Variants in P2RX1 observed in about 807,000 individuals in gnomAD.
The protein encoded by P2RX1 is P2X purinoceptor 1.
In P2RX1, 42 loss-of-function variants were observed where a neutral mutation model predicts 50.3. That is an observed-to-expected ratio of 0.83 (90% CI 0.65 to 1.08). The LOEUF is 1.08. P2RX1 is among the 50% of genes least tolerant of loss of function. The pLI, the probability that P2RX1 is intolerant of heterozygous loss-of-function variation, is 0.00. For synonymous variants in P2RX1, 199 were observed against 202.6 expected (o/e 0.98, Z 0.15); for missense variants, 449 against 529.0 (o/e 0.85, Z 1.48).
intron 1 of P2RX1, among the ~76,000 whole-genome samples, chr17:3,905,815 C>G (rs1455646992): frequency 6.7e-6 from 1 of 148,406 alleles, no homozygotes; most frequent in African/African-American, 2.5e-5. Context: ...CTATTGCACT[C>G]CAGCCTGGGC....
chr17:3,914,652 A>G lies in P2RX1; in HGVS notation c.137+1437T>C, dbSNP rs557143199. On this transcript the variant is annotated intron_variant, in intron 1 of 11. Transcript: ENST00000225538. This position sits in a 1 kb window ranked among gnomAD's most constrained non-coding sequence, Gnocchi z 4.1. ...AGGGTGGACTTCCGGCCCGTCCTGT[A>G]CCTGGCATCCCACCATCAGTGCCCA... 2.6e-5 allele frequency among the ~76,000 whole-genome samples: 4 copies of G among 152,228 alleles called. No homozygotes were observed. Among genetic ancestry groups the G allele is most frequent in the Admixed American group, 1.3e-4 (2 of 15,292 alleles).
intron 10 of P2RX1, 90 bp downstream of exon 10, chr17:3,898,394 G>T: frequency 9.5e-7 from 1 of 1,052,802 alleles, no homozygotes; most frequent in Non-Finnish European, 1.5e-6. Context: ...TTAGGGTCAA[G>T]TTTTAGGGTG....
Position 3,916,078 on chromosome 17 carries a change from C to A in P2RX1, c.137+11G>T, listed in dbSNP as rs369242326. On this transcript the variant is annotated intron_variant, in intron 1 of 11. Coordinates refer to ENST00000225538, the MANE Select transcript of P2RX1 (RefSeq NM_002558.4). ...GGGCTGGTGCAGGCAGCGGGAGGCG[C>A]CCGGACTCACCCGATGACGTAGACC... is the stretch of plus-strand genomic sequence containing the variant. 3.7e-6 allele frequency: 6 copies of A among 1,613,028 alleles called. No homozygotes were observed. The African/African-American group carries it at 8.0e-5, about 22-fold the overall frequency.
At chr17:3,915,838 G>A (rs756926736) in intron 1 of P2RX1, 1 of 640,952 alleles carries the variant, frequency 1.6e-6, no homozygotes, top group South Asian at 1.5e-5. Flanking sequence ...CACTGAGCCG[G>A]CTCCTCAGAA....
chr17:3,899,853 C>T lies in P2RX1; in HGVS notation c.748-92G>A, dbSNP rs2056104186. On this transcript the variant is annotated intron_variant, in intron 7 of 11. Transcript: ENST00000225538. ...CAGTGGCTCACACCTGTAATCCCAG[C>T]ACTTTGGGAGGCAGAGGCGGGTGGA... The T allele has an allele frequency of 3.3e-6, 5 of 1,511,962 alleles. No homozygotes were observed. The African/African-American group carries it at 6.9e-5, about 21-fold the overall frequency. 93.7% of individuals were successfully genotyped at this position (1,511,962 alleles called of 1,614,324 possible).
chr17:3,914,645 G>A lies in P2RX1; in HGVS notation c.137+1444C>T, dbSNP rs537258975. ...GATACTAAGGGTGGACTTCCGGCCC[G>A]TCCTGTACCTGGCATCCCACCATCA... is the stretch of plus-strand genomic sequence containing the variant. On this transcript the variant is annotated intron_variant, in intron 1 of 11. Coordinates refer to ENST00000225538, the MANE Select transcript of P2RX1 (RefSeq NM_002558.4). The surrounding 1 kb of genome is among the most constrained non-coding windows in gnomAD (Gnocchi z 4.1). Among the ~76,000 whole-genome samples, 26 of 152,290 alleles carry A rather than the reference G, an allele frequency of 1.7e-4. No individual in the cohort carries two copies. The highest frequency in any genetic ancestry group is 5.3e-4 in the African/African-American group (22 of 41,572).
chr17:3,904,763 T>C, intron 3 of P2RX1, 95 bp downstream of exon 3: 2 of 956,496 alleles, frequency 2.1e-6, no homozygotes, highest in Non-Finnish European at 3.3e-6. Context: ...GCAGGAAGCC[T>C]CTCTGGCTTC....
intron 1 of P2RX1, among the ~76,000 whole-genome samples, chr17:3,911,558 C>A (rs1366310854): frequency 1.3e-5 from 2 of 150,884 alleles, no homozygotes; most frequent in African/African-American, 4.9e-5. Context: ...CCCATCCCTG[C>A]GGCCTCTTCA....
At position 3,914,530 on chromosome 17, in the gene P2RX1, G is replaced by A. The variant is rs1165780987; in HGVS notation, c.137+1559C>T. 6.6e-6 allele frequency among the ~76,000 whole-genome samples: 1 copy of A among 152,142 alleles called. No individual in the cohort carries two copies. The highest frequency in any genetic ancestry group is 1.5e-5 in the Non-Finnish European group (1 of 68,016). ...TGAAAGCAGAACTAGGGAGCCGCAG[G>A]GGCAGAGAGAGGACAGCCTTCCCCC... On this transcript the variant is annotated intron_variant, in intron 1 of 11. Coordinates refer to ENST00000225538, the MANE Select transcript of P2RX1 (RefSeq NM_002558.4). The surrounding 1 kb of genome is among the most constrained non-coding windows in gnomAD (Gnocchi z 4.1).
At chr17:3,904,631 T>G (rs978545084) in intron 3 of P2RX1, 8 of 627,290 alleles carry the variant, frequency 1.3e-5, no homozygotes, top group Non-Finnish European at 2.0e-5. Context: ...GCGGTGGGGG[T>G]GGGCACGAAG....
rs1295801683 is a variant in P2RX1, at chr17:3,897,525, C to G, written c.*289G>C. 1 of 544,540 alleles carries G rather than the reference C, an allele frequency of 1.8e-6. No individual in the cohort carries two copies. The highest frequency in any genetic ancestry group is 3.1e-5 in the Admixed American group (1 of 32,244). 33.7% of individuals were successfully genotyped at this position (544,540 alleles called of 1,614,324 possible). ...TAATGAGAGTCCGGAGAGAGAAGCA[C>G]GAAGCTAGGGTGCAGGTGTGTGGGA... is the stretch of plus-strand genomic sequence containing the variant. On this transcript the variant is annotated 3_prime_UTR_variant, in exon 12 of 12. Coordinates refer to ENST00000225538, the MANE Select transcript of P2RX1 (RefSeq NM_002558.4).
intron 1 of P2RX1, chr17:3,915,763 A>G (rs2052393616): frequency 3.9e-6 from 2 of 507,428 alleles, no homozygotes; most frequent in Admixed American, 2.3e-5. Context: ...GAGGTCGAGG[A>G]CTCAGTGGCT....
In P2RX1 at chr17:3,903,771, C is replaced by G. The variant is rs1321826436; in HGVS notation, c.525-140G>C. On this transcript the variant is annotated intron_variant, in intron 5 of 11. Coordinates refer to ENST00000225538, the MANE Select transcript of P2RX1 (RefSeq NM_002558.4). The surrounding 1 kb of genome is among the most constrained non-coding windows in gnomAD (Gnocchi z 4.6). ...GGGCTGGTGGAGGGGTGGGTGTGCTCTAGCGTGGCCAGGACCCAGGGGAAT... is the reference window on the plus strand; with the variant it reads ...GGGCTGGTGGAGGGGTGGGTGTGCTGTAGCGTGGCCAGGACCCAGGGGAAT... 8 of 1,118,082 alleles carry G rather than the reference C, an allele frequency of 7.2e-6. No individual in the cohort carries two copies. The highest frequency in any genetic ancestry group is 1.1e-5 in the Non-Finnish European group (8 of 744,878). The allele number at this position is 1,118,082 out of a possible 1,614,324, so 69.3% of individuals were successfully genotyped here.
At chr17:3,915,832 G>A (rs753420506) in intron 1 of P2RX1, 2 of 628,476 alleles carry the variant, frequency 3.2e-6, no homozygotes, top group South Asian at 3.0e-5. Flanking sequence ...CCATAACACT[G>A]AGCCGGCTCC....
chr17:3,898,417 C>T (rs375371499), intron 10 of P2RX1, 67 bp downstream of exon 10: 1 of 1,266,222 alleles, frequency 7.9e-7, no homozygotes, highest in Non-Finnish European at 1.2e-6. Flanking sequence ...GGACGTCTTG[C>T]TGCTACTGAA....
chr17:3,912,712 C>T (rs1324349377), intron 1 of P2RX1, among the ~76,000 whole-genome samples: 2 of 152,232 alleles, frequency 1.3e-5, no homozygotes, highest in East Asian at 1.9e-4. Context: ...CAGTTCCTCC[C>T]TCTCCCTCTC....
At chr17:3,900,941 G>A (rs1195155303) in intron 7 of P2RX1, among the ~76,000 whole-genome samples, 1 of 152,220 alleles carries the variant, frequency 6.6e-6, no homozygotes, top group Non-Finnish European at 1.5e-5. Flanking sequence ...CGAGTAATGG[G>A]ACAGGTGGAG....
At chr17:3,913,893 C>T (rs576665309) in intron 1 of P2RX1, among the ~76,000 whole-genome samples, 13 of 152,158 alleles carry the variant, frequency 8.5e-5, no homozygotes, top group East Asian at 1.9e-4. Context: ...CCGTGCCCCA[C>T]GGGCCGGTTA....
intron 1 of P2RX1, among the ~76,000 whole-genome samples, chr17:3,908,157 C>A (rs2056300827): frequency 1.3e-5 from 2 of 152,200 alleles, no homozygotes; most frequent in Admixed American, 6.5e-5. Context: ...GGAAACAGAG[C>A]CACCTGGAGC....
Sources: allele counts gnomAD v4.1 joint callset (sites outside exome capture counted in the v4.1 genomes callset), GRCh38; gene constraint gnomAD v4.1.1; non-coding constraint Gnocchi (gnomAD v3.1); transcripts MANE v1.5; gene names NCBI Gene and HGNC (gene_info 2026-07-23, HGNC 2026-07-21).